The following LRRC37A2 variants were observed in gnomAD, a reference collection of about 807,000 sequenced individuals.
The protein encoded by LRRC37A2 is leucine-rich repeat-containing protein 37A2.
A neutral mutation model predicts 68.8 loss-of-function variants in LRRC37A2; 9 were observed. The ratio of observed to expected loss-of-function variants is 0.13; its 90% confidence interval spans 0.08 to 0.23. LRRC37A2 has a LOEUF of 0.23. Among genes scored for constraint, LRRC37A2 ranks in the 10% least tolerant of loss-of-function variants. The pLI, the probability that LRRC37A2 is intolerant of heterozygous loss-of-function variation, is 1.00. For synonymous variants in LRRC37A2, 63 were observed against 367.6 expected (o/e 0.17, Z 9.48); for missense variants, 168 against 950.4 (o/e 0.18, Z 10.82).
the LRRC37A2 span, among the ~76,000 whole-genome samples, chr17:46,737,573 G>A: frequency 2.0e-4 from 3 of 15,312 alleles, no homozygotes; most frequent in Admixed American, 1.1e-3. Flanking sequence ...GTGTGTGTGC[G>A]TGTGTGTGTG....
At chr17:46,456,207 GATATGTGTGTGTGTGT>G in the LRRC37A2 span, among the ~76,000 whole-genome samples, 5 of 100,306 alleles carry the variant, frequency 5.0e-5, 1 homozygote, top group Admixed American at 2.8e-4. Flanking sequence ...TATTCCATGG[GATATGTGTGTGTGTGT>G]GTGTGTGTGT....
chr17:46,609,275 TA>T, the LRRC37A2 span, among the ~76,000 whole-genome samples: 1 of 147,390 alleles, frequency 6.8e-6, no homozygotes, highest in East Asian at 2.0e-4. Flanking sequence ...TCTTCTTCAA[TA>T]AAAACTTGAT....
the LRRC37A2 span, chr17:47,027,721 A>G: frequency 3.0e-6 from 2 of 660,876 alleles, no homozygotes; most frequent in South Asian, 1.7e-5. Context: ...TTAAAATTTT[A>G]CCAGTAGAAA....
chr17:46,757,930 G>A, the LRRC37A2 span, among the ~76,000 whole-genome samples: 7 of 151,784 alleles, frequency 4.6e-5, no homozygotes, highest in African/African-American at 1.5e-4. Context: ...GGAGGCAGAG[G>A]TTGCAGTGAG....
chr17:46,970,290 C>T, the LRRC37A2 span, among the ~76,000 whole-genome samples: 4 of 152,062 alleles, frequency 2.6e-5, no homozygotes, highest in African/African-American at 9.7e-5. Flanking sequence ...CCTGTAATCC[C>T]AGCACTTTGG....
chr17:46,501,269 G>C, the LRRC37A2 span, among the ~76,000 whole-genome samples: 1 of 151,046 alleles, frequency 6.6e-6, no homozygotes, highest in Admixed American at 6.6e-5. Flanking sequence ...TCCGCCTCCC[G>C]GGTTCACGCG....
At chr17:46,889,307 A>G in the LRRC37A2 span, among the ~76,000 whole-genome samples, 6 of 152,190 alleles carry the variant, frequency 3.9e-5, no homozygotes, top group Non-Finnish European at 7.4e-5. Flanking sequence ...TGCCTTAGCC[A>G]GGCAGGAAGT....
the LRRC37A2 span, among the ~76,000 whole-genome samples, chr17:46,392,421 CTTTCTTTCTCTCTTTCTTTCTT>C: frequency 1.6e-3 from 92 of 57,418 alleles, no homozygotes; most frequent in Middle Eastern, 8.2e-3. Context: ...CTCTCTCTCT[CTTTCTTTCTCTCTTTCTTTCTT>C]TCTTTCTTTC....
At chr17:46,951,476 G>T in the LRRC37A2 span, among the ~76,000 whole-genome samples, 1 of 152,236 alleles carries the variant, frequency 6.6e-6, no homozygotes, top group African/African-American at 2.4e-5. Flanking sequence ...GCAGTGACTT[G>T]TCAAGCTGCC....
chr17:47,028,362 T>C, the LRRC37A2 span: 2 of 1,473,266 alleles, frequency 1.4e-6, no homozygotes, highest in Non-Finnish European at 9.5e-7. Flanking sequence ...ACATAAGTTG[T>C]AAGTGAAATA....
At chr17:46,938,580 C>G in the LRRC37A2 span, 2 of 1,606,460 alleles carry the variant, frequency 1.2e-6, no homozygotes, top group Non-Finnish European at 1.7e-6. Flanking sequence ...GTTTTTTTTT[C>G]TGTTCTCTTC....
the LRRC37A2 span, among the ~76,000 whole-genome samples, chr17:46,822,114 A>G: frequency 6.6e-6 from 1 of 152,218 alleles, no homozygotes; most frequent in African/African-American, 2.4e-5. Flanking sequence ...AAGGCCTAAC[A>G]CCACAGGGCT....
the LRRC37A2 span, among the ~76,000 whole-genome samples, chr17:46,495,771 T>A: frequency 1.4e-5 from 2 of 138,878 alleles, no homozygotes; most frequent in Non-Finnish European, 3.0e-5. Context: ...TTGTAAAATT[T>A]CTACTATGAC....
chr17:46,741,765 T>C, the LRRC37A2 span, among the ~76,000 whole-genome samples: 1 of 8,524 alleles, frequency 1.2e-4, no homozygotes, highest in South Asian at 0.021. Flanking sequence ...TACTTGGTTT[T>C]TGTTTTTGTT....
At chr17:46,767,259 G>A in the LRRC37A2 span, among the ~76,000 whole-genome samples, 2 of 151,994 alleles carry the variant, frequency 1.3e-5, no homozygotes, top group African/African-American at 2.4e-5. Context: ...TTGATCCCTC[G>A]ATTACTCATC....
chr17:46,807,950 A>G, the LRRC37A2 span, among the ~76,000 whole-genome samples: 1 of 152,218 alleles, frequency 6.6e-6, no homozygotes, highest in Admixed American at 6.5e-5. Context: ...TAAAAGTGAA[A>G]TGAACAATTG....
At chr17:46,817,960 G>C in the LRRC37A2 span, among the ~76,000 whole-genome samples, 1 of 152,150 alleles carries the variant, frequency 6.6e-6, no homozygotes, top group African/African-American at 2.4e-5. Context: ...GCGGTGGGGA[G>C]AATCTGATGA....
the LRRC37A2 span, among the ~76,000 whole-genome samples, chr17:46,837,878 T>G: frequency 6.6e-6 from 1 of 152,150 alleles, no homozygotes; most frequent in South Asian, 2.1e-4. Flanking sequence ...ATATTTGCAG[T>G]GATTGTTTTC....
chr17:46,895,324 AG>A, the LRRC37A2 span, among the ~76,000 whole-genome samples: 1 of 152,254 alleles, frequency 6.6e-6, no homozygotes, highest in Non-Finnish European at 1.5e-5. Flanking sequence ...GTTCTGAGGT[AG>A]CCGCAGCCCA....
Sources: allele counts gnomAD v4.1 joint callset (sites outside exome capture counted in the v4.1 genomes callset), GRCh38; gene constraint gnomAD v4.1.1; transcripts MANE v1.5; gene names NCBI Gene and HGNC (gene_info 2026-07-23, HGNC 2026-07-21).